Variants in CMC1 observed in about 807,000 individuals in gnomAD.
The protein encoded by CMC1 is COX assembly mitochondrial protein homolog.
A neutral mutation model predicts 14.1 loss-of-function variants in CMC1; 14 were observed. The observed-to-expected ratio is 0.99, with a 90% CI of 0.66 to 1.55. The LOEUF (loss-of-function observed/expected upper bound fraction) is 1.55, where lower values mean the gene tolerates loss of function less well. Ranked by LOEUF, CMC1 falls within the 40% of genes most tolerant of loss-of-function variation. The pLI is 0.00. For missense variants in CMC1, 127 were observed against 123.8 expected (o/e 1.03, Z -0.12); for synonymous variants, 50 against 38.4 (o/e 1.30, Z -1.12).
intron 2 of CMC1, chr3:28,315,312 G>A (rs966511019): frequency 6.6e-6 from 1 of 152,240 alleles, no homozygotes; most frequent in African/African-American, 2.4e-5. Context: ...TGGGTTTGTG[G>A]TCCTGAAAAG....
In CMC1 at chr3:28,316,424, G is replaced by A. The variant is rs750653783; in HGVS notation, c.200+1G>A. 3 of 1,549,992 alleles carry A rather than the reference G, an allele frequency of 1.9e-6. No individual in the cohort carries two copies. Among genetic ancestry groups the A allele is most frequent in the Non-Finnish European group, 2.6e-6 (3 of 1,133,602 alleles). ...CATTGAAAGAATGTCTAACTGCTTA[G>A]TAAGTAGTTGTCTCAGCGTTTGTGC... On this transcript the variant is annotated splice_donor_variant, in intron 3 of 3. Coordinates refer to ENST00000466830, the MANE Select transcript of CMC1 (RefSeq NM_182523.2). LOFTEE classifies it high-confidence loss of function.
At chr3:28,245,294 T>G (rs1698764154) in intron 1 of CMC1, among the ~76,000 whole-genome samples, 1 of 152,222 alleles carries the variant, frequency 6.6e-6, no homozygotes, top group South Asian at 2.1e-4. Context: ...TTTTTTTTGT[T>G]AATGTAGCAG....
chr3:28,258,590 G>A (rs13085236), intron 1 of CMC1, among the ~76,000 whole-genome samples: 31,808 of 142,830 alleles, frequency 0.22, 3,672 homozygotes, highest in Admixed American at 0.28. Flanking sequence ...TAAATTGATC[G>A]TATATACATG....
chr3:28,284,954 C>A (rs1307385749), intron 2 of CMC1, among the ~76,000 whole-genome samples: 1 of 152,162 alleles, frequency 6.6e-6, no homozygotes, highest in Non-Finnish European at 1.5e-5. Flanking sequence ...CTTTACTAAC[C>A]CTGTTGCACA....
intron 2 of CMC1, among the ~76,000 whole-genome samples, chr3:28,312,311 A>T (rs1352288993): frequency 6.6e-6 from 1 of 152,226 alleles, no homozygotes; most frequent in Non-Finnish European, 1.5e-5. Flanking sequence ...TTTAAAAATC[A>T]AATTAATGGA....
At position 28,323,882 on chromosome 3, in the gene CMC1, T is replaced by C; in HGVS notation, c.*4253T>C. Reference sequence around the variant, plus strand: ...CTCTTTCATACTAGAAAACCAACTATGTTGGTTTTTGTACTATTGTACAGT... The same window carrying C: ...CTCTTTCATACTAGAAAACCAACTACGTTGGTTTTTGTACTATTGTACAGT... On this transcript the variant is annotated 3_prime_UTR_variant, in exon 4 of 4. Coordinates refer to ENST00000466830, the MANE Select transcript of CMC1 (RefSeq NM_182523.2). The C allele has an allele frequency of 4.2e-6, 3 of 709,868 alleles. No individual in the cohort carries two copies. Among genetic ancestry groups the C allele is most frequent in the Non-Finnish European group, 6.7e-6 (3 of 448,806 alleles). The allele number at this position is 709,868 out of a possible 1,614,324, so 44.0% of individuals were successfully genotyped here.
At chr3:28,251,218 A>G (rs1041460571) in intron 1 of CMC1, among the ~76,000 whole-genome samples, 1 of 152,144 alleles carries the variant, frequency 6.6e-6, no homozygotes, top group Non-Finnish European at 1.5e-5. Context: ...AGAACATGGC[A>G]GAGAAGATCA....
intron 1 of CMC1, among the ~76,000 whole-genome samples, chr3:28,247,838 G>A (rs1300553050): frequency 2.6e-5 from 4 of 152,100 alleles, no homozygotes; most frequent in Non-Finnish European, 5.9e-5. Flanking sequence ...ATATACCTAA[G>A]GTAGGCTAAG....
At chr3:28,248,794 T>C (rs1369810028) in intron 1 of CMC1, among the ~76,000 whole-genome samples, 1 of 152,146 alleles carries the variant, frequency 6.6e-6, no homozygotes, top group Admixed American at 6.5e-5. Context: ...TTTTTGCATT[T>C]TTTCTTTTTT....
intron 1 of CMC1, among the ~76,000 whole-genome samples, chr3:28,246,736 G>A (rs1286099447): frequency 6.6e-6 from 1 of 151,262 alleles, no homozygotes; most frequent in Non-Finnish European, 1.5e-5. Context: ...TCTGTGGGAA[G>A]GTTAAGACCT....
chr3:28,271,091 C>T (rs1322792852), intron 2 of CMC1, among the ~76,000 whole-genome samples: 3 of 151,352 alleles, frequency 2.0e-5, no homozygotes, highest in Admixed American at 6.6e-5. Context: ...CCACCATACT[C>T]GGCCGAGTTA....
intron 1 of CMC1, among the ~76,000 whole-genome samples, chr3:28,257,006 A>G (rs2125445918): frequency 6.6e-6 from 1 of 152,316 alleles, no homozygotes; most frequent in Middle Eastern, 3.4e-3. Context: ...GGAAAGATAT[A>G]TTTACCAATA....
intron 1 of CMC1, among the ~76,000 whole-genome samples, chr3:28,253,510 G>A (rs1218724815): frequency 6.6e-6 from 1 of 152,062 alleles, no homozygotes; most frequent in Non-Finnish European, 1.5e-5. Context: ...AAACCTGGGA[G>A]GTAGAAGCTG....
chr3:28,246,990 G>A (rs1307499806), intron 1 of CMC1, among the ~76,000 whole-genome samples: 3 of 151,994 alleles, frequency 2.0e-5, no homozygotes, highest in Non-Finnish European at 1.5e-5. Flanking sequence ...AAGGACTCAT[G>A]AACTGCTGTA....
Position 28,316,399 on chromosome 3 carries a change from C to A in CMC1, c.176C>A (p.Ala59Glu). 6.3e-7 allele frequency: 1 copy of A among 1,595,924 alleles called. No individual in the cohort carries two copies. The highest frequency in any genetic ancestry group is 8.5e-7 in the Non-Finnish European group (1 of 1,170,846). Reference protein sequence around the residue: ...MVVKCRKENSALKECLTAYYN... With the variant: ...MVVKCRKENSELKECLTAYYN... The stretch of plus-strand genomic sequence containing the variant: ...GTAAAATGCCGGAAAGAAAATTCTG[C>A]ATTGAAAGAATGTCTAACTGCTTAG... The change falls in exon 3 of 4, where the codon GCA becomes GAA. Residue 59 changes from alanine (A) to glutamate (E), a missense_variant. Coordinates refer to ENST00000466830, the MANE Select transcript of CMC1 (RefSeq NM_182523.2).
At chr3:28,294,778 T>C (rs555337107) in intron 2 of CMC1, among the ~76,000 whole-genome samples, 1 of 152,114 alleles carries the variant, frequency 6.6e-6, no homozygotes, top group Non-Finnish European at 1.5e-5. Flanking sequence ...TTGGGTAAAA[T>C]AGAAGACTTA....
chr3:28,324,332 G>A lies in CMC1; in HGVS notation c.*4703G>A. ...CCTGGTAAAGGGGAAGATGTGGTAT[G>A]ACAAAGAGCTTTGCCATTTGGTAAG... On this transcript the variant is annotated 3_prime_UTR_variant, in exon 4 of 4. Transcript: ENST00000466830. The A allele has an allele frequency of 1.9e-6, 3 of 1,603,396 alleles. No homozygotes were observed. The highest frequency in any genetic ancestry group is 2.6e-6 in the Non-Finnish European group (3 of 1,174,038).
intron 2 of CMC1, among the ~76,000 whole-genome samples, chr3:28,297,598 A>G (rs1018991860): frequency 6.6e-6 from 1 of 152,132 alleles, no homozygotes; most frequent in Admixed American, 6.6e-5. Context: ...TTTCCAGCAG[A>G]TGACACAGAC....
intron 2 of CMC1, among the ~76,000 whole-genome samples, chr3:28,287,658 A>G (rs1606393): frequency 0.45 from 67,713 of 151,726 alleles, 15,949 homozygotes; most frequent in Non-Finnish European, 0.52. Context: ...TCCCTTCGAA[A>G]GATGCTATAA....
Sources: allele counts gnomAD v4.1 joint callset (sites outside exome capture counted in the v4.1 genomes callset), GRCh38; gene constraint gnomAD v4.1.1; transcripts MANE v1.5; gene names NCBI Gene and HGNC (gene_info 2026-07-23, HGNC 2026-07-21).